ROBO2: variants seen among roughly 807,000 people sequenced by gnomAD.
ROBO2 encodes roundabout homolog 2.
ROBO2 carries 53 observed loss-of-function variants against 160.8 expected under a neutral mutation model. The ratio of observed to expected loss-of-function variants is 0.33; its 90% CI spans 0.26 to 0.41. ROBO2 has a LOEUF of 0.41. Among genes scored for constraint, ROBO2 ranks in the 10% least tolerant of loss-of-function variants. The pLI, the probability that ROBO2 is intolerant of heterozygous loss-of-function variation, is 1.00. For synonymous variants in ROBO2, 664 were observed against 611.7 expected (o/e 1.09, Z -1.26); for missense variants, 1,577 against 1,722.4 (o/e 0.92, Z 1.49).
intron 2 of ROBO2, among the ~76,000 whole-genome samples, chr3:77,111,163 A>G (rs1158436194): frequency 6.6e-6 from 1 of 152,312 alleles, no homozygotes; most frequent in East Asian, 1.9e-4. Flanking sequence ...GACAAGCTAC[A>G]TACAGGGAGA....
chr3:76,028,960 C>T (rs1407882093), intron 2 of ROBO2, among the ~76,000 whole-genome samples: 1 of 152,006 alleles, frequency 6.6e-6, no homozygotes, highest in African/African-American at 2.4e-5. Context: ...GGCAGTGATG[C>T]TATGAGCATA....
At chr3:76,319,305 A>G (rs1385118340) in intron 2 of ROBO2, among the ~76,000 whole-genome samples, 1 of 152,134 alleles carries the variant, frequency 6.6e-6, no homozygotes, top group Non-Finnish European at 1.5e-5. Context: ...AGATTTCTTG[A>G]CTTACTCCAC....
At chr3:76,207,154 G>A (rs958634471) in intron 2 of ROBO2, among the ~76,000 whole-genome samples, 3 of 152,162 alleles carry the variant, frequency 2.0e-5, no homozygotes, top group African/African-American at 7.2e-5. Flanking sequence ...TATATACTGA[G>A]CCTTACTTAT....
chr3:77,118,854 C>T (rs983374447), intron 2 of ROBO2, among the ~76,000 whole-genome samples: 1 of 152,118 alleles, frequency 6.6e-6, no homozygotes, highest in Non-Finnish European at 1.5e-5. Flanking sequence ...TTGACTATAA[C>T]GTGTAGCCTA....
intron 2 of ROBO2, among the ~76,000 whole-genome samples, chr3:76,781,144 G>GTATA (rs1202001658): frequency 5.4e-4 from 82 of 150,684 alleles, no homozygotes; most frequent in Admixed American, 2.3e-3. Context: ...TTGGTTAAAT[G>GTATA]AATTCATAAG....
chr3:76,879,623 C>T (rs948141964), intron 2 of ROBO2, among the ~76,000 whole-genome samples: 4 of 152,006 alleles, frequency 2.6e-5, no homozygotes, highest in African/African-American at 9.7e-5. Context: ...CAAACAAACA[C>T]AATCAAGAAG....
At chr3:76,977,124 A>G (rs893214843) in intron 2 of ROBO2, among the ~76,000 whole-genome samples, 6 of 152,216 alleles carry the variant, frequency 3.9e-5, no homozygotes, top group African/African-American at 1.2e-4. Flanking sequence ...AAGTACATGA[A>G]TTAATAAAAG....
intron 2 of ROBO2, among the ~76,000 whole-genome samples, chr3:76,098,841 A>G (rs2069564559): frequency 6.6e-6 from 1 of 152,122 alleles, no homozygotes; most frequent in African/African-American, 2.4e-5. Flanking sequence ...TCTGAAAGCT[A>G]TTACCTTTCA....
At chr3:77,075,672 CTTTTTTTTTTTT>C (rs1174587812) in intron 1 of ROBO2, among the ~76,000 whole-genome samples, 1 of 87,254 alleles carries the variant, frequency 1.1e-5, no homozygotes, top group Admixed American at 1.7e-4. Flanking sequence ...TTTCTTTCTC[CTTTTTTTTTTTT>C]TTTTTTTTTT....
At chr3:76,306,943 A>G (rs933036108) in intron 2 of ROBO2, among the ~76,000 whole-genome samples, 1 of 151,960 alleles carries the variant, frequency 6.6e-6, no homozygotes, top group African/African-American at 2.4e-5. Context: ...AATGCAGCCC[A>G]TTTTTTTAAA....
chr3:77,425,116 T>C (rs1156330021), intron 2 of ROBO2, among the ~76,000 whole-genome samples: 2 of 152,042 alleles, frequency 1.3e-5, no homozygotes, highest in African/African-American at 4.8e-5. Context: ...TTGAATTATT[T>C]TTAAATCACT....
At chr3:75,969,194 T>C (rs1473642142) in intron 2 of ROBO2, among the ~76,000 whole-genome samples, 1 of 147,588 alleles carries the variant, frequency 6.8e-6, no homozygotes, top group Non-Finnish European at 1.5e-5. Flanking sequence ...ATATATAATA[T>C]ATTATAACTA....
At chr3:77,516,489 C>A (rs1374181784) in intron 5 of ROBO2, among the ~76,000 whole-genome samples, 2 of 151,606 alleles carry the variant, frequency 1.3e-5, no homozygotes, top group Non-Finnish European at 3.0e-5. Context: ...AAACACAAAG[C>A]TTACATTGTT....
intron 2 of ROBO2, among the ~76,000 whole-genome samples, chr3:76,956,354 G>A (rs2079255968): frequency 6.6e-6 from 1 of 152,004 alleles, no homozygotes; most frequent in Non-Finnish European, 1.5e-5. Flanking sequence ...TCAGGAGATT[G>A]AGACCATCCT....
At chr3:76,982,858 G>T (rs2060167216) in intron 2 of ROBO2, among the ~76,000 whole-genome samples, 1 of 152,106 alleles carries the variant, frequency 6.6e-6, no homozygotes, top group African/African-American at 2.4e-5. Context: ...AGAATTTCTA[G>T]CAATCAGTGC....
At chr3:76,768,942 A>T (rs2061724946) in intron 2 of ROBO2, among the ~76,000 whole-genome samples, 1 of 151,498 alleles carries the variant, frequency 6.6e-6, no homozygotes, top group Non-Finnish European at 1.5e-5. Context: ...GAACAAAAGT[A>T]CAATCTTTTT....
chr3:77,314,543 C>A (rs986779874), intron 2 of ROBO2, among the ~76,000 whole-genome samples: 1 of 152,142 alleles, frequency 6.6e-6, no homozygotes, highest in African/African-American at 2.4e-5. Flanking sequence ...GCATGAGATT[C>A]TGCTATCAGG....
intron 2 of ROBO2, among the ~76,000 whole-genome samples, chr3:76,293,541 A>G (rs1279714162): frequency 2.0e-5 from 3 of 152,216 alleles, no homozygotes; most frequent in Non-Finnish European, 4.4e-5. Flanking sequence ...AGTAATAAAA[A>G]TAAGAATGAG....
chr3:76,252,840 G>A (rs1170818471), intron 2 of ROBO2, among the ~76,000 whole-genome samples: 1 of 151,104 alleles, frequency 6.6e-6, no homozygotes, highest in African/African-American at 2.4e-5. Context: ...ATTCACTCAC[G>A]GGATTGTGAA....
Sources: allele counts gnomAD v4.1 joint callset (sites outside exome capture counted in the v4.1 genomes callset), GRCh38; gene constraint gnomAD v4.1.1; transcripts MANE v1.5; gene names NCBI Gene and HGNC (gene_info 2026-07-23, HGNC 2026-07-21).